TAFA2: variants seen among roughly 807,000 people sequenced by gnomAD.
TAFA2 encodes the protein TAFA chemokine like family member 2, also known as chemokine-like protein TAFA-2.
TAFA2 carries 7 observed loss-of-function variants against 18.8 expected under a neutral mutation model. The ratio of observed to expected loss-of-function variants is 0.37; its 90% confidence interval spans 0.21 to 0.70. TAFA2 has a LOEUF of 0.70. Among genes scored for constraint, TAFA2 ranks in the 30% least tolerant of loss-of-function variants. The pLI is 0.53. For missense variants in TAFA2, 122 were observed against 158.1 expected, an observed-to-expected ratio of 0.77 and a Z score of 1.23; for synonymous variants, 60 against 54.2, an observed-to-expected ratio of 1.11 and a Z score of -0.47.
intron 1 of TAFA2, among the ~76,000 whole-genome samples, chr12:62,186,933 C>T (rs754771237): frequency 2.0e-5 from 3 of 152,068 alleles, no homozygotes; most frequent in Non-Finnish European, 2.9e-5. Flanking sequence ...TATTACAGCA[C>T]AGGATAAAAT....
intron 1 of TAFA2, chr12:61,880,319 GCC>G (rs747430470): frequency 5.8e-5 from 28 of 483,348 alleles, no homozygotes; most frequent in Admixed American, 2.1e-4. Context: ...TTCCCTGGAG[GCC>G]ACCATCACAG....
At chr12:62,224,289 C>A (rs1232950514) in intron 1 of TAFA2, among the ~76,000 whole-genome samples, 1 of 152,090 alleles carries the variant, frequency 6.6e-6, no homozygotes, top group African/African-American at 2.4e-5. Context: ...TGTATTTAGG[C>A]TGCCACAGCA....
chr12:61,731,721 T>G (rs997038792), intron 4 of TAFA2, among the ~76,000 whole-genome samples: 1 of 152,116 alleles, frequency 6.6e-6, no homozygotes, highest in African/African-American at 2.4e-5. Flanking sequence ...TGTTACTAAT[T>G]ATCATTATCC....
At chr12:61,897,384 C>G (rs1257789902) in intron 1 of TAFA2, among the ~76,000 whole-genome samples, 1 of 152,020 alleles carries the variant, frequency 6.6e-6, no homozygotes, top group Non-Finnish European at 1.5e-5. Context: ...TATAGTAGTC[C>G]ATTTTCACAC....
chr12:61,771,697 C>T (rs1453720899), intron 2 of TAFA2, among the ~76,000 whole-genome samples: 1 of 151,716 alleles, frequency 6.6e-6, no homozygotes, highest in Non-Finnish European at 1.5e-5. Flanking sequence ...AATAGTGACA[C>T]AACCTAGCAA....
At chr12:62,099,981 G>C (rs927457746) in intron 1 of TAFA2, among the ~76,000 whole-genome samples, 6 of 152,040 alleles carry the variant, frequency 3.9e-5, no homozygotes, top group African/African-American at 1.4e-4. Flanking sequence ...TTTTAAAGTA[G>C]AAAATATTGA....
At chr12:61,730,408 G>A (rs1010202443) in intron 4 of TAFA2, among the ~76,000 whole-genome samples, 13 of 152,110 alleles carry the variant, frequency 8.5e-5, no homozygotes, top group African/African-American at 2.9e-4. Context: ...GGAGACAGAA[G>A]CTTGCCCTCA....
At chr12:61,889,199 C>T (rs1188642818) in intron 1 of TAFA2, among the ~76,000 whole-genome samples, 1 of 152,158 alleles carries the variant, frequency 6.6e-6, no homozygotes, top group Non-Finnish European at 1.5e-5. Flanking sequence ...GCATTATGTA[C>T]TTTCTGTTGT....
intron 1 of TAFA2, among the ~76,000 whole-genome samples, chr12:61,893,058 G>T (rs999195450): frequency 6.6e-6 from 1 of 152,106 alleles, no homozygotes; most frequent in African/African-American, 2.4e-5. Context: ...AACTTTAAAG[G>T]TGGAACAGAG....
intron 4 of TAFA2, among the ~76,000 whole-genome samples, chr12:61,716,602 A>G (rs1869671790): frequency 6.6e-6 from 1 of 152,180 alleles, no homozygotes; most frequent in African/African-American, 2.4e-5. Context: ...CTTTTCTCCA[A>G]TATGTTCATT....
At chr12:62,025,329 A>C (rs1200978898) in intron 1 of TAFA2, among the ~76,000 whole-genome samples, 1 of 152,140 alleles carries the variant, frequency 6.6e-6, no homozygotes. Flanking sequence ...GGGTGATGGG[A>C]TCAACCATAC....
intron 2 of TAFA2, among the ~76,000 whole-genome samples, chr12:61,808,236 T>C (rs1447874329): frequency 6.6e-6 from 1 of 151,504 alleles, no homozygotes; most frequent in Non-Finnish European, 1.5e-5. Flanking sequence ...GATGATATTA[T>C]AAGGGTGAGT....
rs199625455 is a variant in TAFA2, at chr12:62,021,483, TTTTCTG to T, written c.-1-154063_-1-154058del. ...AGTCCACTGCATCATTCTTTTTTTTTTTTCTGTCTTTGTACAATATTTTATTAAAGA... is the reference window on the plus strand; with the variant it reads ...AGTCCACTGCATCATTCTTTTTTTTTTCTTTGTACAATATTTTATTAAAGA... On this transcript the variant is annotated intron_variant, in intron 1 of 4. Coordinates refer to ENST00000416284, the MANE Select transcript of TAFA2 (RefSeq NM_178539.5). The T allele has an allele frequency of 1.3e-3, 841 of 627,024 alleles. 10 individuals are homozygous for T. In the East Asian group the frequency reaches 0.017, roughly 13 times the overall value. 38.8% of individuals were successfully genotyped at this position (627,024 alleles called of 1,614,324 possible). A position where few individuals can be genotyped will look rare whatever the true frequency, so the allele number is the denominator to read the frequency against.
At chr12:62,011,011 G>A (rs1592547703) in intron 1 of TAFA2, among the ~76,000 whole-genome samples, 1 of 147,972 alleles carries the variant, frequency 6.8e-6, no homozygotes, top group East Asian at 2.1e-4. Context: ...GGGAAGTGGG[G>A]GGCGCCTCTG....
intron 1 of TAFA2, among the ~76,000 whole-genome samples, chr12:62,240,047 C>T (rs1425841082): frequency 6.6e-6 from 1 of 150,966 alleles, no homozygotes; most frequent in Non-Finnish European, 1.5e-5. Flanking sequence ...TATTATATAA[C>T]AAATATATAT....
At chr12:61,806,703 G>C (rs1168488956) in intron 2 of TAFA2, among the ~76,000 whole-genome samples, 1 of 152,182 alleles carries the variant, frequency 6.6e-6, no homozygotes, top group African/African-American at 2.4e-5. Flanking sequence ...AGACAATAAA[G>C]TCCAGGCTGA....
chr12:62,037,419 C>G (rs1881639066), intron 1 of TAFA2, among the ~76,000 whole-genome samples: 1 of 152,218 alleles, frequency 6.6e-6, no homozygotes, highest in Non-Finnish European at 1.5e-5. Context: ...ATTGCTCTCT[C>G]TTGAGTTCTG....
chr12:61,970,714 C>A (rs1364472012), intron 1 of TAFA2, among the ~76,000 whole-genome samples: 5 of 150,532 alleles, frequency 3.3e-5, no homozygotes, highest in African/African-American at 1.2e-4. Context: ...AAGAAATAAT[C>A]ACCGAGAAGT....
At chr12:61,908,738 C>A (rs1876475030) in intron 1 of TAFA2, among the ~76,000 whole-genome samples, 1 of 152,090 alleles carries the variant, frequency 6.6e-6, no homozygotes, top group Admixed American at 6.5e-5. Flanking sequence ...GAACATGAAC[C>A]TATTCGGAGT....
Sources: allele counts gnomAD v4.1 joint callset (sites outside exome capture counted in the v4.1 genomes callset), GRCh38; gene constraint gnomAD v4.1.1; transcripts MANE v1.5; gene names NCBI Gene and HGNC (gene_info 2026-07-23, HGNC 2026-07-21).